Variants in LHFPL3 observed in about 807,000 individuals in gnomAD.
LHFPL3 encodes the protein LHFPL tetraspan subfamily member 3, also known as LHFPL tetraspan subfamily member 3 protein.
LHFPL3 carries 5 observed loss-of-function variants against 19.3 expected under a neutral mutation model. The ratio of observed to expected loss-of-function variants is 0.26; its 90% CI spans 0.14 to 0.54. The LOEUF is 0.54. Ranked by LOEUF, LHFPL3 falls within the 20% of genes least tolerant of loss-of-function variation. The pLI, the probability that LHFPL3 is intolerant of heterozygous loss-of-function variation, is 0.94. For missense variants in LHFPL3, 249 were observed against 307.4 expected (o/e 0.81, Z 1.42); for synonymous variants, 133 against 126.2 (o/e 1.05, Z -0.36).
At chr7:104,521,213 T>C (rs912653306) in intron 1 of LHFPL3, among the ~76,000 whole-genome samples, 1 of 152,138 alleles carries the variant, frequency 6.6e-6, no homozygotes, top group African/African-American at 2.4e-5. Context: ...GTACCCAGTA[T>C]TCATTCAGGA....
chr7:104,855,473 A>G (rs910287063), intron 2 of LHFPL3, among the ~76,000 whole-genome samples: 4 of 152,194 alleles, frequency 2.6e-5, no homozygotes, highest in Non-Finnish European at 5.9e-5. Flanking sequence ...ATGGTGTTGC[A>G]GAATATTTCT....
intron 1 of LHFPL3, among the ~76,000 whole-genome samples, chr7:104,587,991 A>G (rs186804801): frequency 4.6e-5 from 7 of 152,002 alleles, no homozygotes. Flanking sequence ...AATTTGTTTG[A>G]GTTCATTGTA....
chr7:104,878,544 C>T, intron 2 of LHFPL3, among the ~76,000 whole-genome samples: 1 of 152,238 alleles, frequency 6.6e-6, no homozygotes, highest in East Asian at 1.9e-4. Context: ...CACTAACCAG[C>T]CATTCCCCCA....
rs9987005 is a variant in LHFPL3 at position 104,536,866 on chromosome 7, T to G, written c.446-199809T>G. 1.4e-4 allele frequency among the ~76,000 whole-genome samples: 22 copies of G among 152,068 alleles called. No homozygotes were observed. The South Asian group carries it at 4.1e-3, about 29-fold the overall frequency. On this transcript the variant is annotated intron_variant, in intron 1 of 2. Transcript: ENST00000424859. ...AACATGCCAGAAAGTGCCACAAAAT[T>G]TCAATAACAGGCAACACCACTAGGC...
intron 2 of LHFPL3, among the ~76,000 whole-genome samples, chr7:104,883,908 C>T (rs1792099303): frequency 6.6e-6 from 1 of 152,118 alleles, no homozygotes; most frequent in Non-Finnish European, 1.5e-5. Flanking sequence ...CATTGAAATT[C>T]ACTCCTGAGC....
At chr7:104,539,818 G>C (rs1363505088) in intron 1 of LHFPL3, among the ~76,000 whole-genome samples, 1 of 152,096 alleles carries the variant, frequency 6.6e-6, no homozygotes, top group Non-Finnish European at 1.5e-5. Context: ...ATTTAACAAA[G>C]TGATGGCATG....
intron 1 of LHFPL3, among the ~76,000 whole-genome samples, chr7:104,398,141 C>T (rs1249469684): frequency 6.6e-6 from 1 of 151,730 alleles, no homozygotes; most frequent in Non-Finnish European, 1.5e-5. Flanking sequence ...TAAAATCTTC[C>T]TCTGAAGGTT....
intron 1 of LHFPL3, among the ~76,000 whole-genome samples, chr7:104,620,947 C>A (rs928834840): frequency 6.6e-6 from 1 of 152,122 alleles, no homozygotes; most frequent in Non-Finnish European, 1.5e-5. Context: ...TTTTTTCAAC[C>A]CCTGACAGCA....
intron 1 of LHFPL3, among the ~76,000 whole-genome samples, chr7:104,561,084 G>A (rs943852956): frequency 2.8e-4 from 42 of 152,076 alleles, no homozygotes; most frequent in Non-Finnish European, 5.1e-4. Context: ...CATTTCCTGA[G>A]GAGAGCTTTA....
intron 1 of LHFPL3, among the ~76,000 whole-genome samples, chr7:104,498,189 T>C (rs895742594): frequency 1.3e-5 from 2 of 152,208 alleles, no homozygotes; most frequent in Admixed American, 1.3e-4. Flanking sequence ...ACAGTGAACA[T>C]ATCTTGGGAA....
At chr7:104,390,645 T>C (rs919311652) in intron 1 of LHFPL3, among the ~76,000 whole-genome samples, 6 of 152,264 alleles carry the variant, frequency 3.9e-5, no homozygotes, top group East Asian at 3.9e-4. Context: ...AATAAACATA[T>C]GTGTGCATGT....
chr7:104,645,297 G>A (rs1791911243), intron 1 of LHFPL3, among the ~76,000 whole-genome samples: 1 of 151,814 alleles, frequency 6.6e-6, no homozygotes, highest in Non-Finnish European at 1.5e-5. Context: ...GATTAATTTT[G>A]CCCAGCAATG....
intron 1 of LHFPL3, among the ~76,000 whole-genome samples, chr7:104,696,219 G>A (rs1047504939): frequency 1.1e-4 from 17 of 152,128 alleles, no homozygotes; most frequent in African/African-American, 3.6e-4. Flanking sequence ...CGGAGTGCTG[G>A]GTCTACAGGC....
chr7:104,693,659 A>G (rs1229329000), intron 1 of LHFPL3, among the ~76,000 whole-genome samples: 1 of 151,088 alleles, frequency 6.6e-6, no homozygotes, highest in Non-Finnish European at 1.5e-5. Context: ...CTCCCCAAAC[A>G]TGAGGAACTG....
intron 1 of LHFPL3, among the ~76,000 whole-genome samples, chr7:104,697,774 A>G (rs1036123923): frequency 1.3e-5 from 2 of 152,176 alleles, no homozygotes; most frequent in African/African-American, 4.8e-5. Context: ...ATAAGGGGGA[A>G]AAAACAGCTT....
At chr7:104,819,824 G>C (rs1055032220) in intron 2 of LHFPL3, among the ~76,000 whole-genome samples, 2 of 152,134 alleles carry the variant, frequency 1.3e-5, no homozygotes, top group Admixed American at 1.3e-4. Flanking sequence ...AAGGCACATG[G>C]ACAATTTATC....
intron 1 of LHFPL3, among the ~76,000 whole-genome samples, chr7:104,568,333 A>G (rs966549876): frequency 1.3e-5 from 2 of 152,198 alleles, no homozygotes; most frequent in Non-Finnish European, 2.9e-5. Context: ...TGTTTTGCTC[A>G]TCTTCCTCAC....
intron 1 of LHFPL3, among the ~76,000 whole-genome samples, chr7:104,560,466 G>A (rs1394822412): frequency 8.2e-4 from 121 of 148,346 alleles, no homozygotes; most frequent in African/African-American, 2.7e-3. Context: ...GTTTATTTGC[G>A]TAGAGGTGTT....
chr7:104,346,663 T>C (rs1046423601), intron 1 of LHFPL3, among the ~76,000 whole-genome samples: 1 of 134,902 alleles, frequency 7.4e-6, no homozygotes, highest in African/African-American at 3.0e-5. Flanking sequence ...GTATGTAGTG[T>C]AGTAGATTTC....
Sources: allele counts gnomAD v4.1 joint callset (sites outside exome capture counted in the v4.1 genomes callset), GRCh38; gene constraint gnomAD v4.1.1; transcripts MANE v1.5; gene names NCBI Gene and HGNC (gene_info 2026-07-23, HGNC 2026-07-21).